RBFOX1: variants seen among roughly 807,000 people sequenced by gnomAD.
RBFOX1 encodes RNA binding fox-1 homolog 1, also known as RNA binding protein fox-1 homolog 1.
In RBFOX1, 8 loss-of-function variants were observed where a neutral mutation model predicts 57.7. The ratio of observed to expected loss-of-function variants is 0.14; its 90% CI spans 0.08 to 0.25. The LOEUF (loss-of-function observed/expected upper bound fraction) is 0.25. RBFOX1 is among the 10% of genes least tolerant of loss of function. The pLI, the probability that RBFOX1 is intolerant of heterozygous loss-of-function variation, is 1.00. For synonymous variants in RBFOX1, 326 were observed against 222.4 expected (o/e 1.47, Z -4.15); for missense variants, 611 against 548.5 (o/e 1.11, Z -1.14).
intron 3 of RBFOX1, among the ~76,000 whole-genome samples, chr16:6,766,586 C>G (rs1375963614): frequency 6.6e-6 from 1 of 151,850 alleles, no homozygotes; most frequent in Admixed American, 6.6e-5. Flanking sequence ...GAGGTACCTA[C>G]TAGTCACATG....
At chr16:7,019,725 C>G (rs574306779) in intron 3 of RBFOX1, among the ~76,000 whole-genome samples, 5 of 152,308 alleles carry the variant, frequency 3.3e-5, no homozygotes, top group African/African-American at 1.2e-4. Context: ...AGAGAACAAG[C>G]TTGGTTTCAA....
intron 2 of RBFOX1, among the ~76,000 whole-genome samples, chr16:6,646,967 T>C (rs1231662894): frequency 6.6e-6 from 1 of 152,180 alleles, no homozygotes; most frequent in Non-Finnish European, 1.5e-5. Context: ...TCTGGGAACC[T>C]TGTCTTAGTC....
At chr16:7,250,673 G>T (rs1254551847) in intron 4 of RBFOX1, among the ~76,000 whole-genome samples, 3 of 152,176 alleles carry the variant, frequency 2.0e-5, no homozygotes, top group Non-Finnish European at 2.9e-5. Flanking sequence ...ACTCTTGAAG[G>T]ACGTCATACT....
At chr16:6,448,796 C>A (rs1019249869) in intron 2 of RBFOX1, among the ~76,000 whole-genome samples, 3 of 152,064 alleles carry the variant, frequency 2.0e-5, no homozygotes, top group Non-Finnish European at 4.4e-5. Flanking sequence ...CCACCTTATC[C>A]TATTAAACAT....
chr16:5,451,548 C>G (rs915202774), intron 1 of RBFOX1, among the ~76,000 whole-genome samples: 1 of 152,158 alleles, frequency 6.6e-6, no homozygotes, highest in Non-Finnish European at 1.5e-5. Context: ...GGAAGGAACT[C>G]CACTTGTCGG....
At chr16:5,875,809 T>C (rs2057593233) in intron 4 of RBFOX1, among the ~76,000 whole-genome samples, 1 of 152,058 alleles carries the variant, frequency 6.6e-6, no homozygotes. Context: ...AGGTATCTGT[T>C]GCTGTGAGGT....
chr16:6,483,248 C>A (rs559843954), intron 2 of RBFOX1: 5 of 1,272,072 alleles, frequency 3.9e-6, no homozygotes, highest in Non-Finnish European at 4.9e-6. Flanking sequence ...GCCGTGGCCT[C>A]CCTTTGTGCG....
At chr16:7,034,764 G>C (rs952843494) in intron 3 of RBFOX1, among the ~76,000 whole-genome samples, 3 of 150,504 alleles carry the variant, frequency 2.0e-5, no homozygotes, top group Non-Finnish European at 4.4e-5. Context: ...TTTGGGGGAG[G>C]GGTCTCAGAA....
At chr16:5,936,624 A>T (rs1315813841) in intron 4 of RBFOX1, among the ~76,000 whole-genome samples, 7 of 152,216 alleles carry the variant, frequency 4.6e-5, no homozygotes, top group African/African-American at 1.7e-4. Context: ...TTGATGGTGG[A>T]TGATGAACAT....
At chr16:6,579,563 G>A (rs1170222908) in intron 2 of RBFOX1, among the ~76,000 whole-genome samples, 1 of 152,090 alleles carries the variant, frequency 6.6e-6, no homozygotes, top group Admixed American at 6.5e-5. Flanking sequence ...CCTTTGCTCT[G>A]CACTTTTCCT....
At chr16:5,445,851 G>A (rs1050698034) in intron 1 of RBFOX1, among the ~76,000 whole-genome samples, 3 of 152,164 alleles carry the variant, frequency 2.0e-5, no homozygotes, top group South Asian at 4.1e-4. Context: ...AAGTTCTGTC[G>A]TCTGCAAAAT....
chr16:6,294,394 C>T (rs2077834432), intron 1 of RBFOX1, among the ~76,000 whole-genome samples: 1 of 152,106 alleles, frequency 6.6e-6, no homozygotes, highest in Non-Finnish European at 1.5e-5. Flanking sequence ...ATTGTTAAGC[C>T]CTGGTAACTT....
At chr16:7,154,289 G>T (rs866785474) in intron 4 of RBFOX1, among the ~76,000 whole-genome samples, 2 of 152,182 alleles carry the variant, frequency 1.3e-5, no homozygotes, top group African/African-American at 4.8e-5. Context: ...CTCTAGTGCT[G>T]TAAAAGAGAC....
intron 2 of RBFOX1, among the ~76,000 whole-genome samples, chr16:5,561,256 C>A (rs931569744): frequency 6.6e-6 from 1 of 151,262 alleles, no homozygotes; most frequent in Non-Finnish European, 1.5e-5. Context: ...TGGTTAAAAC[C>A]AACTTTCTTT....
At chr16:6,553,855 A>C (rs2097041624) in intron 2 of RBFOX1, among the ~76,000 whole-genome samples, 1 of 152,114 alleles carries the variant, frequency 6.6e-6, no homozygotes, top group Non-Finnish European at 1.5e-5. Flanking sequence ...ATGAATTGAC[A>C]AGAGTCCTTG....
chr16:6,697,336 A>G (rs923604629), intron 3 of RBFOX1, among the ~76,000 whole-genome samples: 1 of 152,166 alleles, frequency 6.6e-6, no homozygotes, highest in African/African-American at 2.4e-5. Flanking sequence ...AGAGGAAGTC[A>G]TATTAAGTAT....
intron 3 of RBFOX1, among the ~76,000 whole-genome samples, chr16:5,723,224 A>G (rs1034837362): frequency 6.6e-6 from 1 of 152,196 alleles, no homozygotes; most frequent in African/African-American, 2.4e-5. Context: ...GAGGCAGTAG[A>G]TGGATGACAT....
At chr16:6,265,207 C>G (rs1339630445) in intron 1 of RBFOX1, among the ~76,000 whole-genome samples, 4 of 152,136 alleles carry the variant, frequency 2.6e-5, no homozygotes, top group Admixed American at 6.6e-5. Flanking sequence ...TCTGGTTACC[C>G]TCGGGCCTCT....
At chr16:6,009,806 GTGTGTGTGTC>G (rs2094949993) in intron 4 of RBFOX1, among the ~76,000 whole-genome samples, 1 of 147,120 alleles carries the variant, frequency 6.8e-6, no homozygotes, top group Non-Finnish European at 1.5e-5. Flanking sequence ...GTGTGTATGT[GTGTGTGTGTC>G]TGTGTGTGTG....
Sources: allele counts gnomAD v4.1 joint callset (sites outside exome capture counted in the v4.1 genomes callset), GRCh38; gene constraint gnomAD v4.1.1; transcripts MANE v1.5; gene names NCBI Gene and HGNC (gene_info 2026-07-23, HGNC 2026-07-21).